CNIH4: variants seen among roughly 807,000 people sequenced by gnomAD.
CNIH4 encodes cornichon family member 4, also known as protein cornichon homolog 4.
A neutral mutation model predicts 21.5 loss-of-function variants in CNIH4; 9 were observed. That is an observed-to-expected ratio of 0.42 (90% CI 0.25 to 0.73). The LOEUF is 0.73. Among genes scored for constraint, CNIH4 ranks in the 30% least tolerant of loss-of-function variants. The probability of loss-of-function intolerance (pLI) is 0.27; values close to 1 mark genes in which losing one functional copy is unlikely to be tolerated. For synonymous variants in CNIH4, 67 were observed against 59.1 expected, an observed-to-expected ratio of 1.13 and a Z score of -0.61; for missense variants, 159 against 170.0, an observed-to-expected ratio of 0.94 and a Z score of 0.36.
chr1:224,373,995 T>G (rs1672710591), intron 4 of CNIH4, among the ~76,000 whole-genome samples: 1 of 152,222 alleles, frequency 6.6e-6, no homozygotes, highest in African/African-American at 2.4e-5. Flanking sequence ...AGTTTTCTTT[T>G]CTCTCTTCCC....
chr1:224,359,635 A>G (rs1196246754), intron 1 of CNIH4, among the ~76,000 whole-genome samples: 2 of 152,124 alleles, frequency 1.3e-5, no homozygotes, highest in Non-Finnish European at 2.9e-5. Flanking sequence ...CAGTGGCGCA[A>G]TCTTGGCTTA....
At chr1:224,370,934 T>C (rs946986985) in intron 3 of CNIH4, among the ~76,000 whole-genome samples, 68 of 151,100 alleles carry the variant, frequency 4.5e-4, no homozygotes, top group African/African-American at 1.6e-3. Context: ...TGGGGCTCAA[T>C]GGCACGATCT....
chr1:224,362,345 G>A (rs535317256), intron 2 of CNIH4, among the ~76,000 whole-genome samples: 1 of 150,712 alleles, frequency 6.6e-6, no homozygotes, highest in Non-Finnish European at 1.5e-5. Flanking sequence ...GCCTCCCAAA[G>A]AATTTCTCAT....
In CNIH4 at chr1:224,376,006, A is replaced by T. The variant is rs1672771119; in HGVS notation, c.*184A>T. On this transcript the variant is annotated 3_prime_UTR_variant, in exon 5 of 5. Transcript: ENST00000465271. ...TAAAAAACATGAATTGAGTTTCTGTAGATTTCTAGTTCTCAACTTTAGCCT... is the reference window on the plus strand; with the variant it reads ...TAAAAAACATGAATTGAGTTTCTGTTGATTTCTAGTTCTCAACTTTAGCCT... The T allele has an allele frequency of 4.7e-6, 6 of 1,289,228 alleles. No individual in the cohort carries two copies. The South Asian group carries it at 1.1e-4, about 23-fold the overall frequency. 79.9% of individuals were successfully genotyped at this position (1,289,228 alleles called of 1,614,324 possible). A position where few individuals can be genotyped will look rare whatever the true frequency, so the allele number is the denominator to read the frequency against.
intron 2 of CNIH4, among the ~76,000 whole-genome samples, chr1:224,363,910 T>C (rs1672373104): frequency 6.6e-6 from 1 of 152,090 alleles, no homozygotes; most frequent in Admixed American, 6.6e-5. Context: ...TGGTAGGTGT[T>C]TTTTCGAGTC....
chr1:224,357,157 G>C lies in CNIH4; in HGVS notation c.69+164G>C. 1.2e-5 allele frequency: 9 copies of C among 722,588 alleles called. No homozygotes were observed. In the South Asian group the frequency reaches 1.6e-4, roughly 13 times the overall value. 44.8% of individuals were successfully genotyped at this position (722,588 alleles called of 1,614,324 possible). A position where few individuals can be genotyped will look rare whatever the true frequency, so the allele number is the denominator to read the frequency against. ...GGCGGTGGCGCGGGCCCCGGAGCGGGTAGGAGAGGCTGGCTGCCCTACCCG... is the reference window on the plus strand; with the variant it reads ...GGCGGTGGCGCGGGCCCCGGAGCGGCTAGGAGAGGCTGGCTGCCCTACCCG... On this transcript the variant is annotated intron_variant, in intron 1 of 4. Coordinates refer to ENST00000465271, the MANE Select transcript of CNIH4 (RefSeq NM_014184.4).
At chr1:224,371,223 T>C in intron 3 of CNIH4, 60 bp from the exon 4 acceptor site, 10 of 1,534,382 alleles carry the variant, frequency 6.5e-6, no homozygotes, top group Non-Finnish European at 8.9e-6. Flanking sequence ...TACTTATATT[T>C]GAATACTTAT....
chr1:224,377,880 G>A lies in CNIH4; in HGVS notation c.*2058G>A, dbSNP rs1005091355. On this transcript the variant is annotated 3_prime_UTR_variant, in exon 5 of 5. Coordinates refer to ENST00000465271, the MANE Select transcript of CNIH4 (RefSeq NM_014184.4). ...AGTTGAGAGAGCCTTTGGGCTGTCA[G>A]TTTACAGTACATCAGGCTTGCTGAG... 2.0e-5 allele frequency: 3 copies of A among 152,162 alleles called. No homozygotes were observed. The highest frequency in any genetic ancestry group is 7.2e-5 in the African/African-American group (3 of 41,430). The allele number at this position is 152,162 out of a possible 1,614,324, so 9.4% of individuals were successfully genotyped here.
Position 224,379,087 on chromosome 1 carries a change from C to T in CNIH4, c.*3265C>T, listed in dbSNP as rs149125195. On this transcript the variant is annotated 3_prime_UTR_variant, in exon 5 of 5. Coordinates refer to ENST00000465271, the MANE Select transcript of CNIH4 (RefSeq NM_014184.4). Reference sequence around the variant, plus strand: ...CTTTCAGTGGTAGCAACTGCCCTTGCTAATCACCGTAACCTCGGCTGAGAA... The same window carrying T: ...CTTTCAGTGGTAGCAACTGCCCTTGTTAATCACCGTAACCTCGGCTGAGAA... The T allele has an allele frequency of 1.2e-4, 189 of 1,550,536 alleles. No individual in the cohort carries two copies. In the Middle Eastern group the frequency reaches 2.2e-3, roughly 18 times the overall value.
At position 224,376,833 on chromosome 1, in the gene CNIH4, G is replaced by A. The variant is rs1046385033; in HGVS notation, c.*1011G>A. Reference sequence around the variant, plus strand: ...GGTGGGAGAGCAGTTCACCTCCTTAGCTCTGTTTGCCAGCTCTTACAGGGT... The same window carrying A: ...GGTGGGAGAGCAGTTCACCTCCTTAACTCTGTTTGCCAGCTCTTACAGGGT... On this transcript the variant is annotated 3_prime_UTR_variant, in exon 5 of 5. Coordinates refer to ENST00000465271, the MANE Select transcript of CNIH4 (RefSeq NM_014184.4). 2.0e-6 allele frequency: 2 copies of A among 985,380 alleles called. No individual in the cohort carries two copies. Among genetic ancestry groups the A allele is most frequent in the Non-Finnish European group, 2.4e-6 (2 of 829,916 alleles). 61.0% of individuals were successfully genotyped at this position (985,380 alleles called of 1,614,324 possible).
intron 3 of CNIH4, among the ~76,000 whole-genome samples, chr1:224,370,888 T>C (rs1266332901): frequency 1.3e-5 from 2 of 151,358 alleles, no homozygotes; most frequent in Non-Finnish European, 2.9e-5. Flanking sequence ...TTTTTTTTTT[T>C]TTTTTTGAGA....
chr1:224,371,480 A>G, intron 4 of CNIH4, 57 bp downstream of exon 4: 12 of 1,528,884 alleles, frequency 7.8e-6, no homozygotes, highest in East Asian at 2.3e-5. Flanking sequence ...GAAGGGTGAG[A>G]TATTACTATA....
At position 224,376,428 on chromosome 1, in the gene CNIH4, C is replaced by T. The variant is rs1672783165; in HGVS notation, c.*606C>T. 3 of 985,278 alleles carry T rather than the reference C, an allele frequency of 3.0e-6. No individual in the cohort carries two copies. The highest frequency in any genetic ancestry group is 3.6e-6 in the Non-Finnish European group (3 of 829,910). The allele number at this position is 985,278 out of a possible 1,614,324, so 61.0% of individuals were successfully genotyped here. ...ATTTTCCCCAGGTACAATGTAGTTC[C>T]TGCTGATAGAAAGGAAATATTTTGT... On this transcript the variant is annotated 3_prime_UTR_variant, in exon 5 of 5. Transcript: ENST00000465271.
In CNIH4 at chr1:224,379,374, A is replaced by T. The variant is rs970577855; in HGVS notation, c.*3552A>T. On this transcript the variant is annotated 3_prime_UTR_variant, in exon 5 of 5. Transcript: ENST00000465271. ...GCAGAATATGCCCATTCATATTTGT[A>T]TCTTCTTCCTTCTGCTCTTGGCACC... 6.7e-6 allele frequency: 3 copies of T among 444,710 alleles called. No homozygotes were observed. The highest frequency in any genetic ancestry group is 1.2e-5 in the Non-Finnish European group (3 of 241,066). The allele number at this position is 444,710 out of a possible 1,614,324, so 27.5% of individuals were successfully genotyped here.
intron 2 of CNIH4, among the ~76,000 whole-genome samples, chr1:224,364,825 C>T (rs540881351): frequency 7.9e-5 from 12 of 151,416 alleles, no homozygotes; most frequent in Admixed American, 5.9e-4. Context: ...CCCAGCTACT[C>T]GGGAGGTTGA....
At chr1:224,358,830 G>A (rs530637602) in intron 1 of CNIH4, among the ~76,000 whole-genome samples, 4 of 152,316 alleles carry the variant, frequency 2.6e-5, no homozygotes, top group Admixed American at 6.5e-5. Flanking sequence ...GTTTGACTTA[G>A]ACATTACATT....
At chr1:224,371,186 C>T (rs947805978) in intron 3 of CNIH4, 97 bp from the exon 4 acceptor site, 3 of 1,329,390 alleles carry the variant, frequency 2.3e-6, no homozygotes, top group African/African-American at 2.9e-5. Flanking sequence ...CTGATTGGTT[C>T]ACTTTTAAAA....
chr1:224,374,774 A>G (rs1672734687), intron 4 of CNIH4, among the ~76,000 whole-genome samples: 1 of 152,192 alleles, frequency 6.6e-6, no homozygotes, highest in South Asian at 2.1e-4. Flanking sequence ...CTACCTCATC[A>G]CATTTTAATG....
intron 3 of CNIH4, among the ~76,000 whole-genome samples, chr1:224,367,814 C>T (rs1051051854): frequency 2.0e-5 from 3 of 152,232 alleles, no homozygotes; most frequent in African/African-American, 4.8e-5. Context: ...TAGTCCCAGA[C>T]AGACTTTTAG....
Sources: allele counts gnomAD v4.1 joint callset (sites outside exome capture counted in the v4.1 genomes callset), GRCh38; gene constraint gnomAD v4.1.1; transcripts MANE v1.5; gene names NCBI Gene and HGNC (gene_info 2026-07-23, HGNC 2026-07-21).